The following PRKD1 variants were observed in gnomAD, a reference collection of about 807,000 sequenced individuals.
The protein encoded by PRKD1 is protein kinase D1.
A neutral mutation model predicts 95.9 loss-of-function variants in PRKD1; 63 were observed. That is an observed-to-expected ratio of 0.66 (90% CI 0.54 to 0.81). The LOEUF is 0.81. Among genes scored for constraint, PRKD1 ranks in the 30% least tolerant of loss-of-function variants. The probability of loss-of-function intolerance (pLI) is 0.00; values close to 1 mark genes in which losing one functional copy is unlikely to be tolerated. For missense variants in PRKD1, 1,048 were observed against 1,165.3 expected, an observed-to-expected ratio of 0.90 and a Z score of 1.47; for synonymous variants, 425 against 423.1, an observed-to-expected ratio of 1.00 and a Z score of -0.05.
At chr14:29,838,724 T>A (rs117740544) in intron 1 of PRKD1, among the ~76,000 whole-genome samples, 2,253 of 152,274 alleles carry the variant, frequency 0.015, 29 homozygotes, top group Non-Finnish European at 0.023. Flanking sequence ...ATATAATTCA[T>A]GGAAAATGCA....
chr14:29,728,678 A>T (rs1253092093), intron 1 of PRKD1, among the ~76,000 whole-genome samples: 1 of 152,140 alleles, frequency 6.6e-6, no homozygotes, highest in Non-Finnish European at 1.5e-5. Context: ...TTCACCCACA[A>T]ATGGACATTG....
At chr14:29,605,143 C>T (rs950311938) in intron 13 of PRKD1, among the ~76,000 whole-genome samples, 13 of 151,982 alleles carry the variant, frequency 8.6e-5, no homozygotes, top group Middle Eastern at 3.2e-3. Context: ...TACAGGGATC[C>T]ACCACAGCAT....
intron 1 of PRKD1, among the ~76,000 whole-genome samples, chr14:29,823,243 G>A (rs1170740177): frequency 1.3e-5 from 2 of 152,068 alleles, no homozygotes; most frequent in African/African-American, 2.4e-5. Flanking sequence ...CATATTATGC[G>A]AATGTGTGGT....
intron 1 of PRKD1, among the ~76,000 whole-genome samples, chr14:29,769,770 T>C (rs143312218): frequency 1.3e-5 from 2 of 152,232 alleles, no homozygotes; most frequent in Non-Finnish European, 2.9e-5. Flanking sequence ...TAAACTCATA[T>C]GTATGAACAT....
intron 1 of PRKD1, among the ~76,000 whole-genome samples, chr14:29,742,390 G>A (rs45559334): frequency 0.013 from 1,976 of 152,290 alleles, 26 homozygotes; most frequent in East Asian, 0.038. Context: ...ACCTTTCTAT[G>A]CTTGTATTAA....
At chr14:29,588,826 GTGTGTGTT>G (rs1408626922) in intron 16 of PRKD1, among the ~76,000 whole-genome samples, 18 of 131,186 alleles carry the variant, frequency 1.4e-4, no homozygotes, top group African/African-American at 4.7e-4. Context: ...GTGTGTGTGT[GTGTGTGTT>G]TGTGTCACCA....
At chr14:29,867,206 A>G (rs184602632) in intron 1 of PRKD1, among the ~76,000 whole-genome samples, 1 of 152,182 alleles carries the variant, frequency 6.6e-6, no homozygotes, top group African/African-American at 2.4e-5. Flanking sequence ...AGAAAATAAC[A>G]AAGCAAATAA....
chr14:29,822,783 G>A (rs1157389211), intron 1 of PRKD1, among the ~76,000 whole-genome samples: 2 of 152,084 alleles, frequency 1.3e-5, no homozygotes, highest in African/African-American at 4.8e-5. Flanking sequence ...CAGCTAGGAC[G>A]CAAAAGGGAC....
chr14:29,715,432 A>T (rs1885558774), intron 2 of PRKD1, among the ~76,000 whole-genome samples: 1 of 152,146 alleles, frequency 6.6e-6, no homozygotes, highest in African/African-American at 2.4e-5. Context: ...ATTTATTTTA[A>T]TTAATGTACA....
intron 3 of PRKD1, among the ~76,000 whole-genome samples, chr14:29,664,900 G>C (rs1261004731): frequency 6.6e-6 from 1 of 152,136 alleles, no homozygotes; most frequent in Non-Finnish European, 1.5e-5. Context: ...TTAATTTCCT[G>C]AATCTCTGCT....
chr14:29,769,586 GAGAGAGAC>G (rs1263001787), intron 1 of PRKD1, among the ~76,000 whole-genome samples: 10 of 151,990 alleles, frequency 6.6e-5, no homozygotes, highest in Admixed American at 2.6e-4. Flanking sequence ...ATAAATAAGA[GAGAGAGAC>G]AGAGAGAGAC....
intron 1 of PRKD1, among the ~76,000 whole-genome samples, chr14:29,870,470 T>C (rs1418822763): frequency 1.3e-5 from 2 of 152,168 alleles, no homozygotes; most frequent in African/African-American, 4.8e-5. Context: ...AAAGTGCTAA[T>C]CAATTTCAGC....
At position 29,920,060 on chromosome 14, in the gene PRKD1, G is replaced by A. The variant is rs1026000513; in HGVS notation, c.264+7189C>T. On this transcript the variant is annotated intron_variant, in intron 1 of 17. Coordinates refer to ENST00000331968, the MANE Select transcript of PRKD1 (RefSeq NM_002742.3). ...AGGAAGGAAGGAAGGAAGGAAGGAA[G>A]GAAGGAAAGAAGGAAGGAAGGAAGG... Among the ~76,000 whole-genome samples, 4 of 121,818 alleles carry A rather than the reference G, an allele frequency of 3.3e-5. No individual in the cohort carries two copies. In the Admixed American group the frequency reaches 3.3e-4, roughly 10 times the overall value. The allele number at this position is 121,818 out of a possible 152,430, so 79.9% of individuals were successfully genotyped here. A position where few individuals can be genotyped will look rare whatever the true frequency, so the allele number is the denominator to read the frequency against.
At chr14:29,750,192 C>T (rs1887411393) in intron 1 of PRKD1, among the ~76,000 whole-genome samples, 2 of 152,130 alleles carry the variant, frequency 1.3e-5, no homozygotes, top group Non-Finnish European at 2.9e-5. Context: ...AAAAAATCAA[C>T]TATGAATTTT....
chr14:29,797,696 A>G (rs1357935593), intron 1 of PRKD1, among the ~76,000 whole-genome samples: 1 of 152,102 alleles, frequency 6.6e-6, no homozygotes, highest in Non-Finnish European at 1.5e-5. Flanking sequence ...ACTGCTACAG[A>G]CACACACACC....
rs45456497 is a variant in PRKD1 at position 29,906,718 on chromosome 14, G to C, written c.264+20531C>G. 1.9e-3 allele frequency among the ~76,000 whole-genome samples: 287 copies of C among 152,348 alleles called. 2 individuals carry two copies. Among genetic ancestry groups the C allele is most frequent in the African/African-American group, 6.5e-3 (271 of 41,580 alleles). The stretch of plus-strand genomic sequence containing the variant: ...AGTGACTAAAAAGTTCTTGGCTGGA[G>C]GCCACTCTGCTGAATGTTCCCTGTC... On this transcript the variant is annotated intron_variant, in intron 1 of 17. Coordinates refer to ENST00000331968, the MANE Select transcript of PRKD1 (RefSeq NM_002742.3).
intron 13 of PRKD1, among the ~76,000 whole-genome samples, chr14:29,612,547 A>C (rs1878541116): frequency 6.6e-6 from 1 of 152,226 alleles, no homozygotes; most frequent in South Asian, 2.1e-4. Context: ...CAGGGTGGAA[A>C]GAGATTTACT....
chr14:29,631,513 T>TTTC (rs1228365612), intron 9 of PRKD1, among the ~76,000 whole-genome samples: 1 of 152,050 alleles, frequency 6.6e-6, no homozygotes, highest in Non-Finnish European at 1.5e-5. Flanking sequence ...TTTTTTTTTT[T>TTTC]TTCCAAGAAA....
chr14:29,749,617 G>T (rs951304242), intron 1 of PRKD1, among the ~76,000 whole-genome samples: 7 of 152,118 alleles, frequency 4.6e-5, no homozygotes, highest in Admixed American at 6.5e-5. Context: ...TCCATGCTGG[G>T]TGTTACCTTC....
Sources: gnomAD v4.1 joint callset for allele counts (sites outside exome capture counted in the v4.1 genomes callset) on GRCh38, gnomAD v4.1.1 for gene constraint, MANE v1.5 for transcripts, NCBI Gene and HGNC (gene_info 2026-07-23, HGNC 2026-07-21) for gene names.